The following MRRF variants were observed in gnomAD, a reference collection of about 807,000 sequenced individuals.
The protein encoded by MRRF is mitochondrial ribosome recycling factor.
Under a neutral mutation model 25.1 loss-of-function variants are expected in MRRF, and 18 were observed. The ratio of observed to expected loss-of-function variants is 0.72; its 90% CI spans 0.50 to 1.06. MRRF has a LOEUF of 1.06. Ranked by LOEUF, MRRF falls within the 50% of genes least tolerant of loss-of-function variation. The pLI is 0.00. For missense variants in MRRF, 323 were observed against 319.3 expected, an observed-to-expected ratio of 1.01 and a Z score of -0.09; for synonymous variants, 113 against 112.1, an observed-to-expected ratio of 1.01 and a Z score of -0.05.
At chr9:122,299,027 G>A (rs1834269560) in intron 5 of MRRF, among the ~76,000 whole-genome samples, 1 of 152,078 alleles carries the variant, frequency 6.6e-6, no homozygotes, top group African/African-American at 2.4e-5. Flanking sequence ...TGAGGTGGGA[G>A]TCTACCTGGG....
At chr9:122,266,057 T>C (rs1218266234) in intron 1 of MRRF, among the ~76,000 whole-genome samples, 1 of 152,226 alleles carries the variant, frequency 6.6e-6, no homozygotes. Context: ...CCGATTCTGG[T>C]TTACCCTGGA....
chr9:122,274,245 C>A (rs987771968), intron 2 of MRRF, among the ~76,000 whole-genome samples: 3 of 152,162 alleles, frequency 2.0e-5, no homozygotes, highest in Non-Finnish European at 4.4e-5. Flanking sequence ...TCAAATTATA[C>A]CACAGAGCTA....
chr9:122,317,571 T>C (rs761817034), intron 6 of MRRF, among the ~76,000 whole-genome samples: 2 of 152,148 alleles, frequency 1.3e-5, no homozygotes, highest in Non-Finnish European at 2.9e-5. Flanking sequence ...TAAAAATATT[T>C]TATAGACATG....
chr9:122,327,719 C>T lies in MRRF; in HGVS notation c.*5102C>T, dbSNP rs1231989356. On this transcript the variant is annotated 3_prime_UTR_variant, in exon 7 of 7. Transcript: ENST00000344641. ...GTTGTTTTATACATAGCGCTCCAGACGCTTACATCTTCTTTATTTCATTCA... is the reference window on the plus strand; with the variant it reads ...GTTGTTTTATACATAGCGCTCCAGATGCTTACATCTTCTTTATTTCATTCA... The T allele has an allele frequency of 1.3e-5, 2 of 152,128 alleles. No individual in the cohort carries two copies. Among genetic ancestry groups the T allele is most frequent in the African/African-American group, 4.8e-5 (2 of 41,404 alleles). 9.4% of individuals were successfully genotyped at this position (152,128 alleles called of 1,614,324 possible).
chr9:122,322,778 C>T lies in MRRF; in HGVS notation c.*161C>T. On this transcript the variant is annotated 3_prime_UTR_variant, in exon 7 of 7. Coordinates refer to ENST00000344641, the MANE Select transcript of MRRF (RefSeq NM_138777.5). ...CCAGCCTTCCAGGGGAACACTCAGA[C>T]ATGTTCATTCTCTTCCTGCTTCTGC... is the stretch of plus-strand genomic sequence containing the variant. The T allele has an allele frequency of 1.4e-6, 1 of 714,198 alleles. No homozygotes were observed. Among genetic ancestry groups the T allele is most frequent in the Non-Finnish European group, 2.5e-6 (1 of 393,370 alleles). 44.2% of individuals were successfully genotyped at this position (714,198 alleles called of 1,614,324 possible).
intron 6 of MRRF, among the ~76,000 whole-genome samples, chr9:122,320,285 G>A (rs1395232811): frequency 6.6e-6 from 1 of 152,122 alleles, no homozygotes; most frequent in Admixed American, 6.5e-5. Flanking sequence ...TGATAGATGA[G>A]GAAACTGAAA....
At chr9:122,270,439 T>C (rs1160625761) in intron 1 of MRRF, among the ~76,000 whole-genome samples, 1 of 152,276 alleles carries the variant, frequency 6.6e-6, no homozygotes. Context: ...AGTCATTTTA[T>C]GCCTGTTGAG....
Position 122,305,452 on chromosome 9 carries a change from A to G in MRRF, c.552-7775A>G, listed in dbSNP as rs188082280. Among the ~76,000 whole-genome samples, 645 of 151,830 alleles carry G rather than the reference A, an allele frequency of 4.2e-3. 1 individual carries two copies. The highest frequency in any genetic ancestry group is 7.3e-3 in the Non-Finnish European group (493 of 67,956). On this transcript the variant is annotated intron_variant, in intron 5 of 6. Coordinates refer to ENST00000344641, the MANE Select transcript of MRRF (RefSeq NM_138777.5). ...AAAATTGTAACGATGGGGTCTCACCATGTTGTCCAGGCTGTCCACTTTCTA... is the reference window on the plus strand; with the variant it reads ...AAAATTGTAACGATGGGGTCTCACCGTGTTGTCCAGGCTGTCCACTTTCTA...
chr9:122,302,019 C>T (rs1040692450), intron 5 of MRRF, among the ~76,000 whole-genome samples: 1 of 151,790 alleles, frequency 6.6e-6, no homozygotes, highest in African/African-American at 2.4e-5. Flanking sequence ...GCTGGGATTA[C>T]AGGCATAAGA....
chr9:122,269,165 CAAAA>C (rs750976352), intron 1 of MRRF, among the ~76,000 whole-genome samples: 1 of 105,048 alleles, frequency 9.5e-6, no homozygotes, highest in South Asian at 2.9e-4. Flanking sequence ...GACTCTGTCT[CAAAA>C]AAAAAAAAAA....
rs1301737267 is a variant in MRRF at position 122,278,872 on chromosome 9, C to G, written c.185-1571C>G. The stretch of plus-strand genomic sequence containing the variant: ...CTATTTGAAACTTGTGTTTCTCAAT[C>G]CGAAGATCCACATCTTTTTTTTTTT... On this transcript the variant is annotated intron_variant, in intron 2 of 6. Transcript: ENST00000344641. Among the ~76,000 whole-genome samples the G allele has an allele frequency of 3.3e-5, 5 of 152,162 alleles. No individual in the cohort carries two copies. The East Asian group carries it at 7.7e-4, about 24-fold the overall frequency.
rs59288555 is a variant in MRRF, at chr9:122,322,667, C to T, written c.*50C>T. 8,883 of 1,542,732 alleles carry T rather than the reference C, an allele frequency of 5.8e-3. 309 individuals carry two copies. The African/African-American group carries it at 0.087, about 15-fold the overall frequency. Reference sequence around the variant, plus strand: ...CCAGAGCCCAGTTTCTGCTGGATCCCATGGGTGGCACATTGGGACTTCTCT... The same window carrying T: ...CCAGAGCCCAGTTTCTGCTGGATCCTATGGGTGGCACATTGGGACTTCTCT... On this transcript the variant is annotated 3_prime_UTR_variant, in exon 7 of 7. Transcript: ENST00000344641.
In MRRF at chr9:122,322,561, A is replaced by C; in HGVS notation, c.733A>C (p.Thr245Pro). 6.2e-7 allele frequency: 1 copy of C among 1,614,164 alleles called. No individual in the cohort carries two copies. The highest frequency in any genetic ancestry group is 8.5e-7 in the Non-Finnish European group (1 of 1,180,026). ...GCAGATCAGCCAAATGGCCGATGACACAGTGGCAGAACTGGACAGGCATCT... is the reference window on the plus strand; with the variant it reads ...GCAGATCAGCCAAATGGCCGATGACCCAGTGGCAGAACTGGACAGGCATCT... ...EKQISQMADD[T>P]VAELDRHLAV... Residue 245 changes from threonine to proline, a missense_variant, in exon 7 of 7, where the codon ACA (threonine) becomes CCA (proline). Thr to Pro is a conservative substitution (Grantham distance 38). Transcript: ENST00000344641.
chr9:122,316,660 A>T (rs1835550017), intron 6 of MRRF, among the ~76,000 whole-genome samples: 1 of 152,056 alleles, frequency 6.6e-6, no homozygotes, highest in Non-Finnish European at 1.5e-5. Context: ...AAACAAGGTT[A>T]TGGCTGATTG....
intron 3 of MRRF, among the ~76,000 whole-genome samples, chr9:122,284,201 A>G (rs530984231): frequency 6.6e-6 from 1 of 152,274 alleles, no homozygotes; most frequent in Admixed American, 6.5e-5. Flanking sequence ...CTAATTTTCA[A>G]AGCTCCCTGG....
rs1421550645 is a variant in MRRF at position 122,329,677 on chromosome 9, CCTTT to C, written c.*7062_*7065del. ...TCCTGTCAATTCTCCCTTCAACAGA[CCTTT>C]CCTTTCCTTCCTGGGCACACCCTTG... is the stretch of plus-strand genomic sequence containing the variant. On this transcript the variant is annotated 3_prime_UTR_variant, in exon 7 of 7. Coordinates refer to ENST00000344641, the MANE Select transcript of MRRF (RefSeq NM_138777.5). 6.6e-6 allele frequency: 1 copy of C among 152,364 alleles called. No individual in the cohort carries two copies. Among genetic ancestry groups the C allele is most frequent in the Non-Finnish European group, 1.5e-5 (1 of 68,158 alleles). The allele number at this position is 152,364 out of a possible 1,614,324, so 9.4% of individuals were successfully genotyped here.
intron 5 of MRRF, among the ~76,000 whole-genome samples, chr9:122,304,332 T>C (rs1237395521): frequency 6.6e-6 from 1 of 152,210 alleles, no homozygotes. Context: ...ATGCAGTTTT[T>C]GAACACCTGT....
chr9:122,276,589 G>C (rs1161938805), intron 2 of MRRF, among the ~76,000 whole-genome samples: 4 of 152,120 alleles, frequency 2.6e-5, no homozygotes, highest in Non-Finnish European at 5.9e-5. Context: ...GGTTGTTTTG[G>C]GGTTAGCTTA....
intron 5 of MRRF, among the ~76,000 whole-genome samples, chr9:122,296,879 A>G (rs753286076): frequency 1.3e-5 from 2 of 152,236 alleles, no homozygotes; most frequent in African/African-American, 4.8e-5. Flanking sequence ...AAATAATGCT[A>G]TAAGGAAACT....
Sources: allele counts gnomAD v4.1 joint callset (sites outside exome capture counted in the v4.1 genomes callset), GRCh38; gene constraint gnomAD v4.1.1; transcripts MANE v1.5; gene names NCBI Gene and HGNC (gene_info 2026-07-23, HGNC 2026-07-21).